The following MRTFB variants were observed in gnomAD, a reference collection of about 807,000 sequenced individuals.
The protein encoded by MRTFB is myocardin related transcription factor B.
Under a neutral mutation model 104.2 loss-of-function variants are expected in MRTFB, and 29 were observed. The ratio of observed to expected loss-of-function variants is 0.28; its 90% CI spans 0.21 to 0.38. MRTFB has a LOEUF of 0.38. MRTFB is among the 10% of genes least tolerant of loss of function. The probability of loss-of-function intolerance (pLI) is 1.00; values close to 1 mark genes in which losing one functional copy is unlikely to be tolerated. For missense variants in MRTFB, 1,270 were observed against 1,341.6 expected (o/e 0.95, Z 0.83); for synonymous variants, 535 against 519.5 (o/e 1.03, Z -0.41).
chr16:14,042,867 C>T, the MRTFB span, among the ~76,000 whole-genome samples: 1 of 152,172 alleles, frequency 6.6e-6, no homozygotes, highest in Non-Finnish European at 1.5e-5. Context: ...AATGTGTGCC[C>T]AGAAGATTAG....
chr16:14,266,251 A>C lies in MRTFB; in HGVS notation c.*4807A>C, dbSNP rs1033448115. 1 of 152,234 alleles carries C rather than the reference A, an allele frequency of 6.6e-6. No individual in the cohort carries two copies. The highest frequency in any genetic ancestry group is 6.5e-5 in the Admixed American group (1 of 15,274). The allele number at this position is 152,234 out of a possible 1,614,324, so 9.4% of individuals were successfully genotyped here. On this transcript the variant is annotated 3_prime_UTR_variant, in exon 17 of 17. Coordinates refer to ENST00000571589, the MANE Select transcript of MRTFB (RefSeq NM_001308142.2). ...ATTGTTTTCATGTAAAATAGTATAG[A>C]GTTGTTTTGTTGGTTTAAGAGTAAC...
At chr16:14,075,897 A>G (rs758686152) in intron 1 of MRTFB, among the ~76,000 whole-genome samples, 14 of 152,260 alleles carry the variant, frequency 9.2e-5, no homozygotes, top group African/African-American at 2.6e-4. Flanking sequence ...AACATTTACA[A>G]ATTGTTTTCA....
At chr16:14,174,444 A>G (rs2039518290) in intron 3 of MRTFB, among the ~76,000 whole-genome samples, 1 of 152,132 alleles carries the variant, frequency 6.6e-6, no homozygotes, top group African/African-American at 2.4e-5. Context: ...GCACTTTGGG[A>G]GGCTGAGGTA....
At chr16:14,171,611 T>A (rs1443380925) in intron 3 of MRTFB, among the ~76,000 whole-genome samples, 2 of 152,206 alleles carry the variant, frequency 1.3e-5, no homozygotes, top group Non-Finnish European at 2.9e-5. Flanking sequence ...CATCACTGGG[T>A]TCCTTTAGCC....
At chr16:14,208,355 A>C (rs1336422260) in intron 3 of MRTFB, among the ~76,000 whole-genome samples, 1 of 152,186 alleles carries the variant, frequency 6.6e-6, no homozygotes, top group Non-Finnish European at 1.5e-5. Flanking sequence ...TCACCCAAAA[A>C]ACGTATTGTG....
chr16:14,063,162 T>C, the MRTFB span, among the ~76,000 whole-genome samples: 1 of 152,148 alleles, frequency 6.6e-6, no homozygotes, highest in Non-Finnish European at 1.5e-5. Flanking sequence ...GGTGGCAGGA[T>C]TGAGCTTAGA....
the MRTFB span, among the ~76,000 whole-genome samples, chr16:14,021,656 T>A: frequency 6.6e-6 from 1 of 152,210 alleles, no homozygotes; most frequent in Non-Finnish European, 1.5e-5. Context: ...CTCCCACTTA[T>A]AAGTGAGAAC....
At position 14,258,105 on chromosome 16, in the gene MRTFB, C is replaced by G. The variant is rs1383107500; in HGVS notation, c.2708C>G (p.Ser903Cys). The change falls in exon 16 of 17, where the codon TCC becomes TGC. Residue 903 changes from serine to cysteine, a missense_variant. Physicochemically the swap from Ser to Cys is moderately radical, Grantham distance 112 (BLOSUM62 -1). Coordinates refer to ENST00000571589, the MANE Select transcript of MRTFB (RefSeq NM_001308142.2). ...TTGTACTCTCCTTCATTGTAGATTT[C>G]CAACGCTCACAGTCAGCAGATGGAT... ...RSTQAPLPEI[S>C]NAHSQQMDDL... 6.2e-7 allele frequency: 1 copy of G among 1,613,776 alleles called. No individual in the cohort carries two copies. Among genetic ancestry groups the G allele is most frequent in the East Asian group, 2.2e-5 (1 of 44,848 alleles).
intron 3 of MRTFB, among the ~76,000 whole-genome samples, chr16:14,186,195 G>C (rs1456713497): frequency 6.6e-6 from 1 of 152,230 alleles, no homozygotes; most frequent in Non-Finnish European, 1.5e-5. Flanking sequence ...AAGAGCATCA[G>C]CTTTGCCAGG....
intron 3 of MRTFB, among the ~76,000 whole-genome samples, chr16:14,198,943 C>T (rs1037410430): frequency 6.6e-6 from 1 of 152,136 alleles, no homozygotes; most frequent in South Asian, 2.1e-4. Context: ...TTTCTTCTCC[C>T]CTTCCCTCTC....
the MRTFB span, among the ~76,000 whole-genome samples, chr16:14,047,007 A>G: frequency 6.6e-6 from 1 of 152,210 alleles, no homozygotes; most frequent in Non-Finnish European, 1.5e-5. Context: ...GAACTCTATC[A>G]TAAGTCAGGC....
At chr16:14,240,515 G>A (rs1224570883) in intron 10 of MRTFB, 31 bp downstream of exon 10, 19 of 1,614,050 alleles carry the variant, frequency 1.2e-5, no homozygotes, top group Admixed American at 5.0e-5. Context: ...TCCTCAACGC[G>A]GGGTTTTCTG....
intron 8 of MRTFB, among the ~76,000 whole-genome samples, chr16:14,224,370 C>T (rs1236720771): frequency 6.6e-6 from 1 of 152,138 alleles, no homozygotes; most frequent in Non-Finnish European, 1.5e-5. Flanking sequence ...TGTGCCTTTA[C>T]AGTGTAAATG....
chr16:14,214,829 A>T (rs749920473), intron 6 of MRTFB: 2 of 152,172 alleles, frequency 1.3e-5, no homozygotes, highest in South Asian at 2.1e-4. Flanking sequence ...GGGCTCTTCT[A>T]TTGTAAAGAA....
chr16:14,147,266 T>C lies in MRTFB; in HGVS notation c.154+6506T>C, dbSNP rs1356806737. Among the ~76,000 whole-genome samples, 5 of 152,290 alleles carry C rather than the reference T, an allele frequency of 3.3e-5. No individual in the cohort carries two copies. The South Asian group carries it at 8.3e-4, about 25-fold the overall frequency. ...GCTTTGGGATTTATAGTAAACACAA[T>C]TATAGTTTTAAAAGCAAGCTGTAAG... On this transcript the variant is annotated intron_variant, in intron 3 of 16. Transcript: ENST00000571589.
At chr16:14,240,836 G>T (rs1379714834) in intron 10 of MRTFB, 8 of 669,488 alleles carry the variant, frequency 1.2e-5, no homozygotes, top group Non-Finnish European at 2.1e-5. Flanking sequence ...AAGAAGAGAA[G>T]GATGGGCATG....
At chr16:14,211,333 G>A (rs140875683) in intron 4 of MRTFB, among the ~76,000 whole-genome samples, 1 of 152,274 alleles carries the variant, frequency 6.6e-6, no homozygotes, top group East Asian at 1.9e-4. Flanking sequence ...TGATATTTAA[G>A]ACACCATTGC....
At chr16:14,248,801 C>A in intron 12 of MRTFB, 125 bp from the exon 13 acceptor site, 1 of 970,052 alleles carries the variant, frequency 1.0e-6, no homozygotes, top group Admixed American at 2.7e-5. Flanking sequence ...AAGTGTGTAT[C>A]TGTAACCTTG....
chr16:14,244,716 G>C (rs932195870), intron 10 of MRTFB, among the ~76,000 whole-genome samples: 1 of 151,934 alleles, frequency 6.6e-6, no homozygotes, highest in African/African-American at 2.4e-5. Flanking sequence ...ATACATCTGA[G>C]ATTTTTCCCC....
Sources: allele counts gnomAD v4.1 joint callset (sites outside exome capture counted in the v4.1 genomes callset), GRCh38; gene constraint gnomAD v4.1.1; transcripts MANE v1.5; gene names NCBI Gene and HGNC (gene_info 2026-07-23, HGNC 2026-07-21).